The following NAV2 variants were observed in gnomAD, a reference collection of about 807,000 sequenced individuals.
The protein encoded by NAV2 is neuron navigator 2.
In NAV2, 54 loss-of-function variants were observed where a neutral mutation model predicts 223.2. The observed-to-expected ratio is 0.24, with a 90% CI of 0.19 to 0.30. The LOEUF (loss-of-function observed/expected upper bound fraction) is 0.30, where lower values mean the gene tolerates loss of function less well. Among genes scored for constraint, NAV2 ranks in the 10% least tolerant of loss-of-function variants. The pLI is 1.00. For synonymous variants in NAV2, 1,279 were observed against 1,239.3 expected (o/e 1.03, Z -0.67); for missense variants, 2,806 against 3,147.5 (o/e 0.89, Z 2.60).
intron 36 of NAV2, among the ~76,000 whole-genome samples, chr11:20,108,950 T>G (rs1160007467): frequency 6.6e-6 from 1 of 152,200 alleles, no homozygotes; most frequent in African/African-American, 2.4e-5. Flanking sequence ...GTAGCCAGGT[T>G]TCCAAGAGTT....
intron 16 of NAV2, among the ~76,000 whole-genome samples, chr11:20,050,205 G>A (rs1198775496): frequency 1.3e-5 from 2 of 152,128 alleles, no homozygotes; most frequent in Non-Finnish European, 2.9e-5. Flanking sequence ...CCTGTGGCAT[G>A]TTCCTGCTTT....
intron 8 of NAV2, among the ~76,000 whole-genome samples, chr11:19,940,442 C>T (rs893333193): frequency 7.2e-5 from 11 of 152,226 alleles, no homozygotes; most frequent in Admixed American, 4.6e-4. Flanking sequence ...ATTCTTACTA[C>T]GGTGGATTCC....
rs1167921757 is a variant in NAV2, at chr11:20,107,654, T to C, written c.6842-10T>C. The C allele has an allele frequency of 1.2e-6, 2 of 1,607,802 alleles. No individual in the cohort carries two copies. The highest frequency in any genetic ancestry group is 2.2e-5 in the East Asian group (1 of 44,858). ...TTTGAGTGCTAATGTATTTTCACTGTGGTCTCCAGGCCCCCGGCTCTTCCT... is the reference window on the plus strand; with the variant it reads ...TTTGAGTGCTAATGTATTTTCACTGCGGTCTCCAGGCCCCCGGCTCTTCCT... On this transcript the variant is annotated splice_polypyrimidine_tract_variant and intron_variant, in intron 35 of 37. Transcript: ENST00000349880.
intron 1 of NAV2, among the ~76,000 whole-genome samples, chr11:19,432,517 A>G (rs1851072286): frequency 6.6e-6 from 1 of 152,194 alleles, no homozygotes; most frequent in Non-Finnish European, 1.5e-5. Context: ...CAAATGGCAC[A>G]CTCACAAGAA....
At chr11:20,063,044 T>C (rs1212360769) in intron 20 of NAV2, among the ~76,000 whole-genome samples, 1 of 152,224 alleles carries the variant, frequency 6.6e-6, no homozygotes, top group African/African-American at 2.4e-5. Flanking sequence ...TCCTACCTTA[T>C]AGAGGTGTAA....
chr11:19,410,727 A>G (rs1175423684), intron 1 of NAV2, among the ~76,000 whole-genome samples: 1 of 152,226 alleles, frequency 6.6e-6, no homozygotes, highest in African/African-American at 2.4e-5. Context: ...CCTTCATGAC[A>G]TTCATCCCTG....
At chr11:19,700,457 G>C (rs1233729325) in intron 1 of NAV2, among the ~76,000 whole-genome samples, 1 of 152,166 alleles carries the variant, frequency 6.6e-6, no homozygotes, top group African/African-American at 2.4e-5. Flanking sequence ...AGAAACTGAG[G>C]CTCAGAGTGG....
chr11:19,495,053 G>C (rs921930283), intron 1 of NAV2, among the ~76,000 whole-genome samples: 1 of 152,202 alleles, frequency 6.6e-6, no homozygotes, highest in Non-Finnish European at 1.5e-5. Flanking sequence ...AGGCCTTAGG[G>C]CCTGGGTCTC....
At chr11:19,611,641 C>T (rs114471042) in intron 1 of NAV2, among the ~76,000 whole-genome samples, 5,128 of 152,286 alleles carry the variant, frequency 0.034, 178 homozygotes, top group African/African-American at 0.078. Context: ...ATGATCTTTT[C>T]TGACTCCAGG....
rs560004158 is a variant in NAV2 at position 20,077,533 on chromosome 11, G to A, written c.4984-19G>A. On this transcript the variant is annotated intron_variant, in intron 22 of 37. Transcript: ENST00000349880. The stretch of plus-strand genomic sequence containing the variant: ...TGCCTTGCAAGGTAATATAACTGAG[G>A]TTGTGTCTTCCCCTCCAGGCTCACC... 2 of 1,593,786 alleles carry A rather than the reference G, an allele frequency of 1.3e-6. No homozygotes were observed. Among genetic ancestry groups the A allele is most frequent in the South Asian group, 2.2e-5 (2 of 90,604 alleles).
intron 1 of NAV2, among the ~76,000 whole-genome samples, chr11:19,705,844 C>G (rs2049646714): frequency 6.6e-6 from 1 of 152,148 alleles, no homozygotes; most frequent in Non-Finnish European, 1.5e-5. Context: ...TCACACTGCT[C>G]TGGCTACTCC....
chr11:20,100,627 C>T (rs985743416), intron 31 of NAV2, among the ~76,000 whole-genome samples: 11 of 151,078 alleles, frequency 7.3e-5, no homozygotes, highest in East Asian at 5.9e-4. Flanking sequence ...GCAAATAGAG[C>T]CCAGAGCCTC....
chr11:20,063,324 A>G (rs2058824828), intron 20 of NAV2, among the ~76,000 whole-genome samples: 1 of 152,200 alleles, frequency 6.6e-6, no homozygotes, highest in African/African-American at 2.4e-5. Flanking sequence ...TTAGATCTTC[A>G]GTACTACTGG....
At chr11:19,937,069 C>T (rs748032795) in intron 7 of NAV2, among the ~76,000 whole-genome samples, 2 of 152,052 alleles carry the variant, frequency 1.3e-5, no homozygotes, top group African/African-American at 2.4e-5. Context: ...ACCTGGGAAG[C>T]GGAGGTTGCA....
At chr11:19,790,686 G>GCAC (rs2057455237) in intron 1 of NAV2, among the ~76,000 whole-genome samples, 1 of 152,100 alleles carries the variant, frequency 6.6e-6, no homozygotes, top group Non-Finnish European at 1.5e-5. Flanking sequence ...TGTGTATGAG[G>GCAC]CACCTACCTG....
At chr11:19,952,119 A>C (rs932061353) in intron 10 of NAV2, among the ~76,000 whole-genome samples, 1 of 152,224 alleles carries the variant, frequency 6.6e-6, no homozygotes, top group Non-Finnish European at 1.5e-5. Context: ...AAGACACTTA[A>C]TGTCTTTTCT....
chr11:19,567,269 C>A lies in NAV2; in HGVS notation c.75+216242C>A, dbSNP rs151025723. 2.6e-3 allele frequency among the ~76,000 whole-genome samples: 394 copies of A among 152,316 alleles called. 3 individuals are homozygous for A. Among genetic ancestry groups the A allele is most frequent in the African/African-American group, 9.0e-3 (373 of 41,562 alleles). On this transcript the variant is annotated intron_variant, in intron 1 of 37. Coordinates refer to the NAV2 transcript ENST00000360655. ...AAGAAAGGCTGGCCAGTGATCCACACTGGGTGAGGATTGGAGGCCAGGGCT... is the reference window on the plus strand; with the variant it reads ...AAGAAAGGCTGGCCAGTGATCCACAATGGGTGAGGATTGGAGGCCAGGGCT...
intron 5 of NAV2, among the ~76,000 whole-genome samples, chr11:19,884,972 G>T (rs375849837): frequency 5.5e-4 from 83 of 152,110 alleles, no homozygotes; most frequent in African/African-American, 1.7e-4. Context: ...TAAAAAACAG[G>T]CTTGCTCACA....
intron 1 of NAV2, among the ~76,000 whole-genome samples, chr11:19,821,016 A>G (rs868364300): frequency 6.6e-6 from 1 of 152,326 alleles, no homozygotes; most frequent in Middle Eastern, 3.4e-3. Flanking sequence ...TAATCCCAGC[A>G]CTTTGGGAGG....
Sources: allele counts gnomAD v4.1 joint callset (sites outside exome capture counted in the v4.1 genomes callset), GRCh38; gene constraint gnomAD v4.1.1; transcripts MANE v1.5; gene names NCBI Gene and HGNC (gene_info 2026-07-23, HGNC 2026-07-21).